The following TMOD3 variants were observed in gnomAD, a reference collection of about 807,000 sequenced individuals.
TMOD3 encodes the protein tropomodulin-3.
In TMOD3, 20 loss-of-function variants were observed where a neutral mutation model predicts 39.2. The ratio of observed to expected loss-of-function variants is 0.51; its 90% confidence interval spans 0.36 to 0.74. The LOEUF (loss-of-function observed/expected upper bound fraction) is 0.74. TMOD3 is among the 30% of genes least tolerant of loss of function. The pLI, the probability that TMOD3 is intolerant of heterozygous loss-of-function variation, is 0.00. For missense variants in TMOD3, 381 were observed against 412.8 expected, an observed-to-expected ratio of 0.92 and a Z score of 0.67; for synonymous variants, 143 against 145.8, an observed-to-expected ratio of 0.98 and a Z score of 0.14.
intron 3 of TMOD3, among the ~76,000 whole-genome samples, chr15:51,878,288 T>C (rs1193908999): frequency 6.6e-6 from 1 of 152,124 alleles, no homozygotes; most frequent in African/African-American, 2.4e-5. Flanking sequence ...TCCAAGCCCT[T>C]TGGGAGGCTG....
chr15:51,868,239 T>C (rs2056457238), intron 2 of TMOD3, among the ~76,000 whole-genome samples: 1 of 152,250 alleles, frequency 6.6e-6, no homozygotes, highest in East Asian at 1.9e-4. Context: ...TAAAACTCTT[T>C]TGTAATAGAA....
Position 51,910,590 on chromosome 15 carries a change from C to G in TMOD3, c.*1780C>G, listed in dbSNP as rs1360641770. Reference sequence around the variant, plus strand: ...GACTCTGTCTCAAAAAACAAACAAACAAACAAACTTTTTGAAATTGAATTG... The same window carrying G: ...GACTCTGTCTCAAAAAACAAACAAAGAAACAAACTTTTTGAAATTGAATTG... On this transcript the variant is annotated 3_prime_UTR_variant, in exon 10 of 10. Transcript: ENST00000308580. 1.3e-5 allele frequency: 2 copies of G among 152,298 alleles called. No homozygotes were observed. The highest frequency in any genetic ancestry group is 2.9e-5 in the Non-Finnish European group (2 of 68,150). The allele number at this position is 152,298 out of a possible 1,614,324, so 9.4% of individuals were successfully genotyped here. A position where few individuals can be genotyped will look rare whatever the true frequency, so the allele number is the denominator to read the frequency against.
At position 51,896,244 on chromosome 15, in the gene TMOD3, G is replaced by C. The variant is rs577176541; in HGVS notation, c.628-175G>C. On this transcript the variant is annotated intron_variant, in intron 6 of 9. Transcript: ENST00000308580. ...TATGCAAATGCTCCATCGTAGATAA[G>C]TCAGATAATTATGGAGGAAGCTGCA... is the stretch of plus-strand genomic sequence containing the variant. Among the ~76,000 whole-genome samples, 325 of 152,266 alleles carry C rather than the reference G, an allele frequency of 2.1e-3. 2 individuals are homozygous for C. Among genetic ancestry groups the C allele is most frequent in the African/African-American group, 7.4e-3 (309 of 41,544 alleles).
intron 1 of TMOD3, among the ~76,000 whole-genome samples, chr15:51,841,561 T>C (rs1337693185): frequency 6.6e-6 from 1 of 152,214 alleles, no homozygotes; most frequent in African/African-American, 2.4e-5. Context: ...CTGGAGACTG[T>C]GAACCAAGCT....
At chr15:51,840,421 CTG>C (rs1303321849) in intron 1 of TMOD3, among the ~76,000 whole-genome samples, 1 of 152,140 alleles carries the variant, frequency 6.6e-6, no homozygotes, top group East Asian at 1.9e-4. Context: ...ATCACATGCT[CTG>C]TGTTAGGTAC....
At chr15:51,845,740 C>G (rs1050149825) in intron 1 of TMOD3, among the ~76,000 whole-genome samples, 3 of 152,110 alleles carry the variant, frequency 2.0e-5, no homozygotes, top group Non-Finnish European at 2.9e-5. Flanking sequence ...GTGGGAGACT[C>G]TGTCTCAAAA....
chr15:51,880,277 C>T (rs1332286131), intron 3 of TMOD3, among the ~76,000 whole-genome samples: 2 of 151,984 alleles, frequency 1.3e-5, no homozygotes, highest in Non-Finnish European at 2.9e-5. Flanking sequence ...ACCAAAAAAC[C>T]CATACTAATA....
intron 1 of TMOD3, among the ~76,000 whole-genome samples, chr15:51,840,224 A>G (rs907073440): frequency 6.6e-6 from 1 of 152,184 alleles, no homozygotes; most frequent in Non-Finnish European, 1.5e-5. Context: ...CTTTGTGTAC[A>G]TCGATCTCTC....
intron 6 of TMOD3, among the ~76,000 whole-genome samples, chr15:51,895,511 C>T (rs961235414): frequency 1.3e-5 from 2 of 152,082 alleles, no homozygotes; most frequent in Non-Finnish European, 2.9e-5. Flanking sequence ...TGAGCCACTG[C>T]GCCCGGCCTA....
At chr15:51,867,530 AATT>A (rs1339976427) in intron 2 of TMOD3, among the ~76,000 whole-genome samples, 1 of 152,150 alleles carries the variant, frequency 6.6e-6, no homozygotes, top group African/African-American at 2.4e-5. Flanking sequence ...ATTTTATGAA[AATT>A]ATTATGTGTC....
intron 3 of TMOD3, among the ~76,000 whole-genome samples, chr15:51,876,921 G>T (rs1374480522): frequency 6.6e-6 from 1 of 152,098 alleles, no homozygotes; most frequent in Admixed American, 6.5e-5. Context: ...AAGTTAGCTG[G>T]ATGCGGTGGT....
chr15:51,868,008 T>C (rs866506389), intron 2 of TMOD3, among the ~76,000 whole-genome samples: 44 of 152,184 alleles, frequency 2.9e-4, no homozygotes, highest in African/African-American at 9.4e-4. Context: ...ATGTCAGGGG[T>C]CCCTTGGGGC....
chr15:51,892,241 A>G lies in TMOD3; in HGVS notation c.497-1574A>G, dbSNP rs894787977. 7 of 152,110 alleles carry G rather than the reference A, an allele frequency of 4.6e-5. No homozygotes were observed. In the South Asian group the frequency reaches 8.3e-4, roughly 18 times the overall value. 9.4% of individuals were successfully genotyped at this position (152,110 alleles called of 1,614,324 possible). On this transcript the variant is annotated intron_variant, in intron 5 of 9. Coordinates refer to ENST00000308580, the MANE Select transcript of TMOD3 (RefSeq NM_014547.5). ...GAACCCGGTCAGTCTTTCCATGTCA[A>G]TTGCTCTTACTCTTTCGTGCTCATT... is the stretch of plus-strand genomic sequence containing the variant.
rs2056621324 is a variant in TMOD3, at chr15:51,896,474, A to G, written c.683A>G (p.His228Arg). 1.9e-6 allele frequency: 3 copies of G among 1,613,832 alleles called. No homozygotes were observed. The highest frequency in any genetic ancestry group is 1.7e-5 in the Admixed American group (1 of 60,008). Residue 228 changes from histidine (H) to arginine (R), a missense_variant, in exon 7 of 10, where the codon CAT becomes CGT. Coordinates refer to ENST00000308580, the MANE Select transcript of TMOD3 (RefSeq NM_014547.5). ...GCAAAGGCTTTGGAAACCAACACACATGTGAAATGTTTCAGTCTTGCAGCC... is the reference window on the plus strand; with the variant it reads ...GCAAAGGCTTTGGAAACCAACACACGTGTGAAATGTTTCAGTCTTGCAGCC... ...DFAKALETNT[H>R]VKCFSLAATR... is the part of the protein sequence containing the mutation.
Position 51,900,139 on chromosome 15 carries a change from TTTCTC to T in TMOD3, c.736-14_736-10del. 1 of 1,612,852 alleles carries T rather than the reference TTTCTC, an allele frequency of 6.2e-7. No individual in the cohort carries two copies. The highest frequency in any genetic ancestry group is 1.1e-5 in the South Asian group (1 of 90,924). Reference sequence around the variant, plus strand: ...GTATCAAATTTTAATCTCTTAATATTTTCTCTAATTTCTAGGCTTTTGCAGAAATG... The same window carrying T: ...GTATCAAATTTTAATCTCTTAATATTTAATTTCTAGGCTTTTGCAGAAATG... On this transcript the variant is annotated splice_polypyrimidine_tract_variant and intron_variant, in intron 7 of 9. Transcript: ENST00000308580.
chr15:51,859,314 G>T (rs541894173), intron 1 of TMOD3: 13 of 727,338 alleles, frequency 1.8e-5, no homozygotes, highest in African/African-American at 1.7e-4. Flanking sequence ...GTGGTTCAAT[G>T]GTTCCTTGAT....
intron 6 of TMOD3, among the ~76,000 whole-genome samples, chr15:51,895,562 C>T (rs1332566748): frequency 2.0e-5 from 3 of 151,988 alleles, no homozygotes; most frequent in African/African-American, 4.8e-5. Flanking sequence ...ATCCCTTTCT[C>T]TAAATAAACA....
intron 9 of TMOD3, among the ~76,000 whole-genome samples, chr15:51,906,176 A>C (rs1259451260): frequency 6.6e-6 from 1 of 152,096 alleles, no homozygotes; most frequent in African/African-American, 2.4e-5. Flanking sequence ...GCTCAGCTTA[A>C]CTTTTTTTCA....
At chr15:51,838,840 G>T (rs926251257) in intron 1 of TMOD3, among the ~76,000 whole-genome samples, 1 of 152,074 alleles carries the variant, frequency 6.6e-6, no homozygotes, top group Non-Finnish European at 1.5e-5. Context: ...CAGACTTGGT[G>T]ATACCTTATG....
Sources: allele counts gnomAD v4.1 joint callset (sites outside exome capture counted in the v4.1 genomes callset), GRCh38; gene constraint gnomAD v4.1.1; transcripts MANE v1.5; gene names NCBI Gene and HGNC (gene_info 2026-07-23, HGNC 2026-07-21).